ST8SIA6: variants seen among roughly 807,000 people sequenced by gnomAD.
ST8SIA6 encodes ST8 alpha-N-acetyl-neuraminide alpha-2,8-sialyltransferase 6, also known as alpha-2,8-sialyltransferase 8F.
A neutral mutation model predicts 33.6 loss-of-function variants in ST8SIA6; 39 were observed. That is an observed-to-expected ratio of 1.16 (90% CI 0.90 to 1.52). The LOEUF is 1.52. Ranked by LOEUF, ST8SIA6 falls within the 40% of genes most tolerant of loss-of-function variation. The pLI is 0.00. For synonymous variants in ST8SIA6, 172 were observed against 167.2 expected (o/e 1.03, Z -0.22); for missense variants, 441 against 443.8 (o/e 0.99, Z 0.06).
chr10:17,434,071 C>T (rs1436024988), intron 2 of ST8SIA6, among the ~76,000 whole-genome samples: 2 of 152,158 alleles, frequency 1.3e-5, no homozygotes, highest in Non-Finnish European at 2.9e-5. Context: ...TGGCTTCTCT[C>T]CCCTGGGCTA....
chr10:17,378,864 C>A (rs569326703), intron 3 of ST8SIA6, among the ~76,000 whole-genome samples: 1 of 152,178 alleles, frequency 6.6e-6, no homozygotes, highest in Non-Finnish European at 1.5e-5. Flanking sequence ...CGGTGGCTCA[C>A]ACCTGTAATC....
intron 4 of ST8SIA6, among the ~76,000 whole-genome samples, chr10:17,342,954 AAAT>A (rs1352001842): frequency 6.6e-6 from 1 of 152,172 alleles, no homozygotes; most frequent in Non-Finnish European, 1.5e-5. Flanking sequence ...CAAAAAATAA[AAAT>A]AAGAATGACA....
chr10:17,367,077 C>G (rs1564424815), intron 3 of ST8SIA6, among the ~76,000 whole-genome samples: 3 of 152,132 alleles, frequency 2.0e-5, no homozygotes, highest in Admixed American at 1.3e-4. Flanking sequence ...AAATTTGATA[C>G]AATGCCAAAA....
At chr10:17,451,047 T>A (rs796612209) in intron 2 of ST8SIA6, among the ~76,000 whole-genome samples, 1 of 152,232 alleles carries the variant, frequency 6.6e-6, no homozygotes, top group South Asian at 2.1e-4. Context: ...ATTTACTTCA[T>A]CTTGTTGCTT....
At chr10:17,422,728 C>T (rs1009756418) in intron 2 of ST8SIA6, among the ~76,000 whole-genome samples, 3 of 152,144 alleles carry the variant, frequency 2.0e-5, no homozygotes. Flanking sequence ...AATGACGATG[C>T]TGTGTCTATG....
intron 3 of ST8SIA6, among the ~76,000 whole-genome samples, chr10:17,379,536 T>C (rs11816149): frequency 0.065 from 9,886 of 152,208 alleles, 466 homozygotes; most frequent in African/African-American, 0.14. Flanking sequence ...CCTCTGCTCA[T>C]TAAGATAGAT....
At chr10:17,453,942 C>G (rs1261277400) in intron 1 of ST8SIA6, among the ~76,000 whole-genome samples, 1 of 152,100 alleles carries the variant, frequency 6.6e-6, no homozygotes, top group East Asian at 1.9e-4. Context: ...CCTGACCGGT[C>G]CCTCTGCTCC....
Position 17,378,927 on chromosome 10 carries a change from C to A in ST8SIA6, c.290+11604G>T, listed in dbSNP as rs185417652. On this transcript the variant is annotated intron_variant, in intron 3 of 7. Coordinates refer to ENST00000377602, the MANE Select transcript of ST8SIA6 (RefSeq NM_001004470.3). ...GGATCATGAGGTCAGGAGATCAAGA[C>A]CATCCTGGCTAACATGGTGAAACCC... Among the ~76,000 whole-genome samples, 333 of 152,168 alleles carry A rather than the reference C, an allele frequency of 2.2e-3. 2 individuals are homozygous for A. The highest frequency in any genetic ancestry group is 7.7e-3 in the African/African-American group (320 of 41,518).
chr10:17,380,156 G>A (rs1158973705), intron 3 of ST8SIA6, among the ~76,000 whole-genome samples: 2 of 152,166 alleles, frequency 1.3e-5, no homozygotes, highest in African/African-American at 4.8e-5. Flanking sequence ...TGGAAGACAG[G>A]TACCTCCTTT....
intron 2 of ST8SIA6, among the ~76,000 whole-genome samples, chr10:17,424,811 G>C (rs1295845582): frequency 6.7e-6 from 1 of 150,180 alleles, no homozygotes; most frequent in African/African-American, 2.5e-5. Flanking sequence ...TCGGCTCACT[G>C]CAACTTCTGC....
intron 2 of ST8SIA6, among the ~76,000 whole-genome samples, chr10:17,428,479 G>A (rs1057443459): frequency 3.9e-5 from 6 of 152,066 alleles, no homozygotes; most frequent in Non-Finnish European, 7.4e-5. Context: ...CCCTAGAAGT[G>A]GGCAAATAAA....
intron 2 of ST8SIA6, among the ~76,000 whole-genome samples, chr10:17,449,523 GAAGAT>G (rs946407496): frequency 1.3e-5 from 2 of 152,202 alleles, no homozygotes; most frequent in African/African-American, 4.8e-5. Context: ...TGCAAAAAGA[GAAGAT>G]AAGGTAATAA....
At position 17,333,981 on chromosome 10, in the gene ST8SIA6, A is replaced by G. The variant is rs183188640; in HGVS notation, c.378-2429T>C. Among the ~76,000 whole-genome samples, 268 of 148,630 alleles carry G rather than the reference A, an allele frequency of 1.8e-3. 1 individual carries two copies. The highest frequency in any genetic ancestry group is 6.3e-3 in the African/African-American group (258 of 40,742). ...AAGTGATCTGCACCCTCAGCCTCCC[A>G]AAGTGCTGGGATTACAGGCGTGAGC... is the stretch of plus-strand genomic sequence containing the variant. On this transcript the variant is annotated intron_variant, in intron 4 of 7. Coordinates refer to ENST00000377602, the MANE Select transcript of ST8SIA6 (RefSeq NM_001004470.3).
chr10:17,383,265 T>C, intron 3 of ST8SIA6, among the ~76,000 whole-genome samples: 1 of 152,222 alleles, frequency 6.6e-6, no homozygotes, highest in East Asian at 1.9e-4. Flanking sequence ...CAATTATGTC[T>C]TTTTCTAATC....
rs1337643171 is a variant in ST8SIA6, at chr10:17,437,635, TTCCTTCCTTCCTTCCTTCCTTCCTTCC to T, written c.200+15897_200+15923del. On this transcript the variant is annotated intron_variant, in intron 2 of 7. Transcript: ENST00000377602. ...TTTCCTTCCTTCCTTCCTTCCTTCC[TTCCTTCCTTCCTTCCTTCCTTCCTTCC>T]TTCTGTCTCTCTTTCTCTTTCTCTT... Among the ~76,000 whole-genome samples, 13 of 131,618 alleles carry T rather than the reference TTCCTTCCTTCCTTCCTTCCTTCCTTCC, an allele frequency of 9.9e-5. No homozygotes were observed. The South Asian group carries it at 1.3e-3, about 14-fold the overall frequency. The allele number at this position is 131,618 out of a possible 152,430, so 86.3% of individuals were successfully genotyped here. A position where few individuals can be genotyped will look rare whatever the true frequency, so the allele number is the denominator to read the frequency against.
rs758802471 is a variant in ST8SIA6, at chr10:17,359,598, T to C, written c.293A>G (p.Tyr98Cys). 7 of 1,588,208 alleles carry C rather than the reference T, an allele frequency of 4.4e-6. No individual in the cohort carries two copies. The highest frequency in any genetic ancestry group is 6.0e-6 in the Non-Finnish European group (7 of 1,165,824). ...AATCTGAAGGTAGTCGTTCTCTGAA[T>C]ACCTAAAAATTAAATGTCAATATAA... ...IESFSNKTKG[Y>C]SENDYLQIIT... The change falls in exon 4 of 8, where the codon TAT becomes TGT. Residue 98 changes from tyrosine to cysteine, a missense_variant and splice_region_variant. Tyr to Cys is a radical substitution (Grantham distance 194, BLOSUM62 -2). Coordinates refer to ENST00000377602, the MANE Select transcript of ST8SIA6 (RefSeq NM_001004470.3).
chr10:17,364,506 C>CA (rs1849497032), intron 3 of ST8SIA6, among the ~76,000 whole-genome samples: 1 of 152,148 alleles, frequency 6.6e-6, no homozygotes, highest in Non-Finnish European at 1.5e-5. Flanking sequence ...TATGTCCAAT[C>CA]TGGAAATGAA....
intron 5 of ST8SIA6, among the ~76,000 whole-genome samples, chr10:17,330,415 C>A (rs1848260326): frequency 6.6e-6 from 1 of 152,128 alleles, no homozygotes; most frequent in Non-Finnish European, 1.5e-5. Context: ...CTGGTCATTT[C>A]AGGGCGTCAT....
rs143644171 is a variant in ST8SIA6 at position 17,335,035 on chromosome 10, A to G, written c.378-3483T>C. ...ATTTTCCTTGTTAGGTTTTCATAGA[A>G]TCTCCTTGTGAAAATACTTCACGTA... On this transcript the variant is annotated intron_variant, in intron 4 of 7. Coordinates refer to ENST00000377602, the MANE Select transcript of ST8SIA6 (RefSeq NM_001004470.3). Among the ~76,000 whole-genome samples, 335 of 152,310 alleles carry G rather than the reference A, an allele frequency of 2.2e-3. 1 individual carries two copies. Among genetic ancestry groups the G allele is most frequent in the African/African-American group, 7.7e-3 (322 of 41,572 alleles).
Sources: gnomAD v4.1 joint callset for allele counts (sites outside exome capture counted in the v4.1 genomes callset) on GRCh38, gnomAD v4.1.1 for gene constraint, MANE v1.5 for transcripts, NCBI Gene and HGNC (gene_info 2026-07-23, HGNC 2026-07-21) for gene names.